LINGO2: variants seen among roughly 807,000 people sequenced by gnomAD.
The protein encoded by LINGO2 is leucine-rich repeat and immunoglobulin-like domain-containing nogo receptor-interacting protein 2.
Under a neutral mutation model 30.6 loss-of-function variants are expected in LINGO2, and 14 were observed. That is an observed-to-expected ratio of 0.46 (90% CI 0.30 to 0.72). LINGO2 has a LOEUF of 0.72. Among genes scored for constraint, LINGO2 ranks in the 30% least tolerant of loss-of-function variants. LINGO2 has a pLI of 0.07. For missense variants in LINGO2, 729 were observed against 751.7 expected, an observed-to-expected ratio of 0.97 and a Z score of 0.35; for synonymous variants, 317 against 288.5, an observed-to-expected ratio of 1.10 and a Z score of -1.00.
chr9:28,958,732 G>A, the LINGO2 span, among the ~76,000 whole-genome samples: 2 of 152,062 alleles, frequency 1.3e-5, no homozygotes, highest in Non-Finnish European at 2.9e-5. Flanking sequence ...GAGAAGGGGA[G>A]AAGAAGGGAA....
intron 4 of LINGO2, among the ~76,000 whole-genome samples, chr9:28,208,111 T>C (rs1233210782): frequency 6.6e-6 from 1 of 152,146 alleles, no homozygotes; most frequent in Non-Finnish European, 1.5e-5. Context: ...TAAAAACTAA[T>C]GTCAGAATGC....
the LINGO2 span, among the ~76,000 whole-genome samples, chr9:29,114,711 T>C: frequency 0.041 from 6,228 of 151,938 alleles, 198 homozygotes; most frequent in Admixed American, 0.079. Context: ...GCTTCATCCA[T>C]GTCCCTACAA....
intron 5 of LINGO2, among the ~76,000 whole-genome samples, chr9:27,978,888 T>C (rs1033048521): frequency 1.3e-5 from 2 of 152,054 alleles, no homozygotes; most frequent in African/African-American, 2.4e-5. Context: ...ATCGGATTGA[T>C]ATCATTGAGA....
At chr9:29,163,637 A>G in the LINGO2 span, among the ~76,000 whole-genome samples, 1 of 152,212 alleles carries the variant, frequency 6.6e-6, no homozygotes, top group Non-Finnish European at 1.5e-5. Context: ...CTTCTAATGT[A>G]TTAATACAGA....
At chr9:28,102,975 G>A (rs1260940227) in intron 4 of LINGO2, among the ~76,000 whole-genome samples, 1 of 152,158 alleles carries the variant, frequency 6.6e-6, no homozygotes, top group Admixed American at 6.6e-5. Context: ...AGGCTGGTAT[G>A]TTAACTCTGG....
the LINGO2 span, among the ~76,000 whole-genome samples, chr9:28,897,385 A>C: frequency 7.9e-5 from 12 of 152,104 alleles, no homozygotes; most frequent in Non-Finnish European, 1.2e-4. Flanking sequence ...AGAAATCTAC[A>C]CTTTCCAGCC....
chr9:27,950,109 T>A (rs1165238983), exon 6 of LINGO2: 1 of 1,614,050 alleles, frequency 6.2e-7, no homozygotes, highest in South Asian at 1.1e-5. Flanking sequence ...TGCTGTTAAG[T>A]TGCATTTCTC....
chr9:28,394,398 G>GAA (rs1821961315), intron 2 of LINGO2, among the ~76,000 whole-genome samples: 1 of 152,132 alleles, frequency 6.6e-6, no homozygotes, highest in African/African-American at 2.4e-5. Context: ...ATGACAGTGA[G>GAA]AAAAGCCTTT....
At chr9:28,318,662 C>T (rs933535903) in intron 3 of LINGO2, among the ~76,000 whole-genome samples, 1 of 152,068 alleles carries the variant, frequency 6.6e-6, no homozygotes, top group African/African-American at 2.4e-5. Context: ...TGTCTATTGA[C>T]AAGAATTCCG....
At chr9:29,063,741 T>C in the LINGO2 span, among the ~76,000 whole-genome samples, 2 of 152,130 alleles carry the variant, frequency 1.3e-5, no homozygotes, top group African/African-American at 4.8e-5. Context: ...GCAGTGGTCA[T>C]CTTTCTCCGT....
At chr9:28,783,873 A>T in the LINGO2 span, among the ~76,000 whole-genome samples, 1 of 152,106 alleles carries the variant, frequency 6.6e-6, no homozygotes, top group Non-Finnish European at 1.5e-5. Flanking sequence ...GTCTGGTGAC[A>T]GCACTCTTGG....
chr9:28,840,036 C>T, the LINGO2 span, among the ~76,000 whole-genome samples: 4,018 of 152,116 alleles, frequency 0.026, 102 homozygotes, highest in Non-Finnish European at 0.043. Context: ...CAATAGCCCC[C>T]GGGCTCAGCC....
chr9:28,107,958 T>C (rs958181080), intron 4 of LINGO2, among the ~76,000 whole-genome samples: 1 of 152,100 alleles, frequency 6.6e-6, no homozygotes, highest in Admixed American at 6.6e-5. Context: ...GGACATAGAA[T>C]TGCAGTCTAA....
intron 4 of LINGO2, among the ~76,000 whole-genome samples, chr9:28,035,095 A>T (rs1247389127): frequency 1.3e-5 from 2 of 152,202 alleles, no homozygotes; most frequent in Non-Finnish European, 2.9e-5. Flanking sequence ...AAAAACCAAA[A>T]ATTATGCATT....
intron 5 of LINGO2, among the ~76,000 whole-genome samples, chr9:27,973,818 T>G (rs753520379): frequency 6.6e-6 from 1 of 152,172 alleles, no homozygotes; most frequent in Non-Finnish European, 1.5e-5. Flanking sequence ...CACCAATCTT[T>G]TGGGTTTTTA....
At chr9:28,317,132 A>T (rs1824873934) in intron 3 of LINGO2, among the ~76,000 whole-genome samples, 1 of 152,208 alleles carries the variant, frequency 6.6e-6, no homozygotes. Context: ...TCACAGAACA[A>T]TGTGAAACTT....
intron 4 of LINGO2, among the ~76,000 whole-genome samples, chr9:28,072,484 T>G (rs1456573215): frequency 6.6e-6 from 1 of 152,190 alleles, no homozygotes; most frequent in Non-Finnish European, 1.5e-5. Context: ...AAATGGATCT[T>G]GATGAACTAT....
At chr9:28,412,185 G>GAAA (rs59158472) in intron 2 of LINGO2, among the ~76,000 whole-genome samples, 1,616 of 120,366 alleles carry the variant, frequency 0.013, 40 homozygotes, top group Middle Eastern at 0.046. Flanking sequence ...ACTTGTAAGT[G>GAAA]AAAAAAAAAA....
At chr9:28,003,103 C>G (rs963123801) in intron 5 of LINGO2, among the ~76,000 whole-genome samples, 2 of 152,072 alleles carry the variant, frequency 1.3e-5, no homozygotes, top group Non-Finnish European at 2.9e-5. Flanking sequence ...GATAATCACA[C>G]AAATGCATGA....
Sources: allele counts gnomAD v4.1 joint callset (sites outside exome capture counted in the v4.1 genomes callset), GRCh38; gene constraint gnomAD v4.1.1; transcripts MANE v1.5; gene names NCBI Gene and HGNC (gene_info 2026-07-23, HGNC 2026-07-21).